ADK: variants seen among roughly 807,000 people sequenced by gnomAD.
The protein encoded by ADK is N6,N6-dimethyladenosine kinase.
In ADK, 24 loss-of-function variants were observed where a neutral mutation model predicts 44.7. That is an observed-to-expected ratio of 0.54 (90% CI 0.39 to 0.76). ADK has a LOEUF of 0.76. Among genes scored for constraint, ADK ranks in the 30% least tolerant of loss-of-function variants. The pLI is 0.00. For missense variants in ADK, 321 were observed against 425.1 expected, an observed-to-expected ratio of 0.76 and a Z score of 2.15; for synonymous variants, 128 against 142.6, an observed-to-expected ratio of 0.90 and a Z score of 0.73.
intron 3 of ADK, among the ~76,000 whole-genome samples, chr10:74,242,744 A>G (rs1302146504): frequency 1.3e-5 from 2 of 152,190 alleles, no homozygotes; most frequent in South Asian, 2.1e-4. Context: ...AAAGCTACCT[A>G]TGGCCTGCCC....
At chr10:74,345,170 T>A (rs1381738099) in intron 4 of ADK, among the ~76,000 whole-genome samples, 3 of 152,222 alleles carry the variant, frequency 2.0e-5, no homozygotes, top group Non-Finnish European at 2.9e-5. Flanking sequence ...TTTCTTGAAA[T>A]TTTTTTAGTC....
chr10:74,284,138 T>C (rs1200992450), intron 3 of ADK, among the ~76,000 whole-genome samples: 2 of 151,524 alleles, frequency 1.3e-5, no homozygotes, highest in Non-Finnish European at 2.9e-5. Context: ...TTTTGTATTT[T>C]TAGTAGAGAC....
At chr10:74,330,669 C>T (rs975158003) in intron 4 of ADK, among the ~76,000 whole-genome samples, 4 of 152,138 alleles carry the variant, frequency 2.6e-5, no homozygotes, top group African/African-American at 7.2e-5. Flanking sequence ...CTTGAGGATA[C>T]GCAGTCAGCC....
At chr10:74,155,197 C>T (rs1356166656) in intron 1 of ADK, among the ~76,000 whole-genome samples, 2 of 152,126 alleles carry the variant, frequency 1.3e-5, no homozygotes, top group Non-Finnish European at 2.9e-5. Context: ...AAAATTAAAC[C>T]TAGGAGCTGG....
At chr10:74,531,977 A>C (rs577515093) in intron 7 of ADK, among the ~76,000 whole-genome samples, 1 of 152,242 alleles carries the variant, frequency 6.6e-6, no homozygotes, top group African/African-American at 2.4e-5. Context: ...ATTGCAAGAA[A>C]ACTACAGACC....
At chr10:74,661,392 G>A in intron 9 of ADK, 2 of 470,298 alleles carry the variant, frequency 4.3e-6, no homozygotes, top group Non-Finnish European at 5.6e-6. Flanking sequence ...GGGACTCTAG[G>A]CAGTTGACAA....
rs1192890268 is a variant in ADK, at chr10:74,177,923, T to TTA, written c.66-22819_66-22818dup. 2.9e-3 allele frequency among the ~76,000 whole-genome samples: 380 copies of TTA among 130,274 alleles called. 6 individuals are homozygous for TTA. The highest frequency in any genetic ancestry group is 8.0e-3 in the East Asian group (39 of 4,896). 85.5% of individuals were successfully genotyped at this position (130,274 alleles called of 152,430 possible). ...ATAGTCTGTCTCTTAAATTGCATAA[T>TTA]TATATATATATATATATATATATTT... On this transcript the variant is annotated intron_variant, in intron 1 of 10. Coordinates refer to ENST00000539909, the MANE Select transcript of ADK (RefSeq NM_006721.4).
intron 9 of ADK, among the ~76,000 whole-genome samples, chr10:74,658,058 G>A (rs568022273): frequency 3.9e-5 from 6 of 152,106 alleles, no homozygotes; most frequent in Non-Finnish European, 8.8e-5. Flanking sequence ...TTTTGGTCAG[G>A]GAAAGATAAA....
In ADK at chr10:74,151,470, C is replaced by T. The variant is rs1841584844; in HGVS notation, c.65+127C>T. ...CCAGCTTGGGGCCAACACGCAGGAC[C>T]TCCCCCAGCTGCCCGCTTGGCCGCG... On this transcript the variant is annotated intron_variant, in intron 1 of 10. Coordinates refer to ENST00000539909, the MANE Select transcript of ADK (RefSeq NM_006721.4). The T allele has an allele frequency of 7.8e-6, 8 of 1,022,744 alleles. No individual in the cohort carries two copies. In the Admixed American group the frequency reaches 1.3e-4, roughly 16 times the overall value. The allele number at this position is 1,022,744 out of a possible 1,614,324, so 63.4% of individuals were successfully genotyped here.
intron 6 of ADK, among the ~76,000 whole-genome samples, chr10:74,486,667 G>C (rs1847278467): frequency 6.6e-6 from 1 of 152,156 alleles, no homozygotes; most frequent in Non-Finnish European, 1.5e-5. Flanking sequence ...ATCCAAATGT[G>C]AGTTCCAGTC....
At chr10:74,702,070 C>A (rs980546926) in intron 10 of ADK, among the ~76,000 whole-genome samples, 31 of 152,148 alleles carry the variant, frequency 2.0e-4, no homozygotes, top group African/African-American at 7.5e-4. Flanking sequence ...ATGTGAAAAT[C>A]ATTTCACAGC....
At chr10:74,232,986 ATG>A (rs1844836305) in intron 3 of ADK, among the ~76,000 whole-genome samples, 1 of 152,222 alleles carries the variant, frequency 6.6e-6, no homozygotes, top group Non-Finnish European at 1.5e-5. Context: ...TGAATGAAAA[ATG>A]TGTGTTATTG....
At chr10:74,700,165 T>C (rs1856364247) in intron 10 of ADK, among the ~76,000 whole-genome samples, 1 of 152,232 alleles carries the variant, frequency 6.6e-6, no homozygotes, top group Admixed American at 6.5e-5. Context: ...AACTACAGTG[T>C]ATTTATACAT....
chr10:74,335,192 T>C (rs1226258690), intron 4 of ADK, among the ~76,000 whole-genome samples: 3 of 152,184 alleles, frequency 2.0e-5, no homozygotes, highest in Admixed American at 1.3e-4. Flanking sequence ...AGCTGGCACT[T>C]TCTCCAATTT....
chr10:74,293,807 C>T (rs1428649273), intron 3 of ADK, among the ~76,000 whole-genome samples: 3 of 152,096 alleles, frequency 2.0e-5, no homozygotes, highest in African/African-American at 7.2e-5. Context: ...TAAAGTATAA[C>T]ATACATAGAA....
chr10:74,575,727 CT>C (rs1424927372), intron 7 of ADK, among the ~76,000 whole-genome samples: 1 of 152,016 alleles, frequency 6.6e-6, no homozygotes, highest in Non-Finnish European at 1.5e-5. Flanking sequence ...GGAACTGGAA[CT>C]TTTATCAGGA....
intron 3 of ADK, among the ~76,000 whole-genome samples, chr10:74,241,006 T>G (rs2132300877): frequency 6.6e-6 from 1 of 152,374 alleles, no homozygotes; most frequent in African/African-American, 2.4e-5. Context: ...AATGTTTTAT[T>G]GATACTATAA....
intron 7 of ADK, among the ~76,000 whole-genome samples, chr10:74,530,795 T>C (rs1033046851): frequency 7.9e-5 from 12 of 152,166 alleles, no homozygotes; most frequent in African/African-American, 2.6e-4. Context: ...AGGGTGGTTG[T>C]GCGCCTGTAA....
At chr10:74,471,310 G>A (rs1014104496) in intron 6 of ADK, among the ~76,000 whole-genome samples, 11 of 151,968 alleles carry the variant, frequency 7.2e-5, no homozygotes, top group African/African-American at 2.7e-4. Flanking sequence ...TCCTGACCTC[G>A]TGATCCACCT....
Sources: allele counts gnomAD v4.1 joint callset (sites outside exome capture counted in the v4.1 genomes callset), GRCh38; gene constraint gnomAD v4.1.1; transcripts MANE v1.5; gene names NCBI Gene and HGNC (gene_info 2026-07-23, HGNC 2026-07-21).